CDH18: variants seen among roughly 807,000 people sequenced by gnomAD.
CDH18 encodes cadherin-18.
Under a neutral mutation model 67.9 loss-of-function variants are expected in CDH18, and 31 were observed. The ratio of observed to expected loss-of-function variants is 0.46; its 90% CI spans 0.34 to 0.62. The LOEUF (loss-of-function observed/expected upper bound fraction) is 0.62, where lower values mean the gene tolerates loss of function less well. Among genes scored for constraint, CDH18 ranks in the 20% least tolerant of loss-of-function variants. The pLI is 0.01. For synonymous variants in CDH18, 362 were observed against 347.2 expected (o/e 1.04, Z -0.48); for missense variants, 890 against 975.5 (o/e 0.91, Z 1.17).
intron 2 of CDH18, among the ~76,000 whole-genome samples, chr5:19,961,821 A>G (rs1796932525): frequency 6.6e-6 from 1 of 151,934 alleles, no homozygotes; most frequent in Admixed American, 6.6e-5. Flanking sequence ...AGTTTTTATT[A>G]TGGTCATGTA....
At chr5:19,497,291 A>T (rs1469082499) in intron 11 of CDH18, among the ~76,000 whole-genome samples, 1 of 152,220 alleles carries the variant, frequency 6.6e-6, no homozygotes, top group African/African-American at 2.4e-5. Flanking sequence ...AATCAAATGG[A>T]TATCAACCAA....
At chr5:19,976,372 C>G (rs1798502170) in intron 2 of CDH18, among the ~76,000 whole-genome samples, 1 of 152,046 alleles carries the variant, frequency 6.6e-6, no homozygotes, top group African/African-American at 2.4e-5. Flanking sequence ...TTTATCTACA[C>G]ACACACACAA....
At chr5:19,514,060 T>C (rs1176297342) in intron 10 of CDH18, among the ~76,000 whole-genome samples, 1 of 152,138 alleles carries the variant, frequency 6.6e-6, no homozygotes, top group Non-Finnish European at 1.5e-5. Context: ...AGTGTTTTCA[T>C]TGTCCAATTC....
chr5:20,562,075 A>T (rs1004216705), intron 1 of CDH18, among the ~76,000 whole-genome samples: 63 of 151,948 alleles, frequency 4.1e-4, no homozygotes, highest in African/African-American at 1.5e-3. Context: ...GAGAAGTTTA[A>T]TTATAAAATT....
intron 5 of CDH18, among the ~76,000 whole-genome samples, chr5:19,689,987 T>G (rs987288208): frequency 1.3e-5 from 2 of 151,386 alleles, no homozygotes; most frequent in Non-Finnish European, 3.0e-5. Context: ...AAACAGGCTA[T>G]AAGTCAAACA....
At chr5:19,792,273 A>G (rs1463110632) in intron 3 of CDH18, among the ~76,000 whole-genome samples, 1 of 152,166 alleles carries the variant, frequency 6.6e-6, no homozygotes, top group African/African-American at 2.4e-5. Flanking sequence ...TCTCTCTTCT[A>G]GAGCTGGGGC....
chr5:19,945,024 A>T (rs1795162308), intron 2 of CDH18, among the ~76,000 whole-genome samples: 1 of 152,154 alleles, frequency 6.6e-6, no homozygotes, highest in Non-Finnish European at 1.5e-5. Context: ...AATAGACACT[A>T]AGTGTGGATC....
Position 19,662,114 on chromosome 5 carries a change from AT to A in CDH18, c.644-49514del, listed in dbSNP as rs377723169. Among the ~76,000 whole-genome samples the A allele has an allele frequency of 6.8e-3, 976 of 144,318 alleles. 9 individuals carry two copies. Among genetic ancestry groups the A allele is most frequent in the African/African-American group, 0.02 (797 of 39,754 alleles). 94.7% of individuals were successfully genotyped at this position (144,318 alleles called of 152,430 possible). A position where few individuals can be genotyped will look rare whatever the true frequency, so the allele number is the denominator to read the frequency against. ...ACCATGTGGCTTACCTTTTTCACTG[AT>A]TTTTTTTTTACATTTTTTAAAGATG... On this transcript the variant is annotated intron_variant, in intron 5 of 12. Transcript: ENST00000382275.
At chr5:20,032,563 T>C (rs180810158) in intron 2 of CDH18, among the ~76,000 whole-genome samples, 1 of 152,188 alleles carries the variant, frequency 6.6e-6, no homozygotes, top group Admixed American at 6.6e-5. Flanking sequence ...TTTTGCTGCC[T>C]TATTACTTTT....
chr5:20,244,508 A>G (rs1327575812), intron 2 of CDH18, among the ~76,000 whole-genome samples: 3 of 152,076 alleles, frequency 2.0e-5, no homozygotes, highest in African/African-American at 7.2e-5. Context: ...ACAACCAAAT[A>G]TATTTGAACA....
intron 1 of CDH18, among the ~76,000 whole-genome samples, chr5:20,402,436 T>G (rs1360874847): frequency 6.6e-6 from 1 of 152,184 alleles, no homozygotes; most frequent in Non-Finnish European, 1.5e-5. Flanking sequence ...TAAGAATCAT[T>G]TTTTGTTTGT....
At chr5:19,822,761 A>G (rs529180698) in intron 3 of CDH18, among the ~76,000 whole-genome samples, 149 of 152,228 alleles carry the variant, frequency 9.8e-4, no homozygotes, top group Non-Finnish European at 1.8e-3. Flanking sequence ...TTGGTAATGA[A>G]GTTTCGGGCA....
chr5:20,142,751 C>A (rs1226301345), intron 2 of CDH18, among the ~76,000 whole-genome samples: 8 of 152,076 alleles, frequency 5.3e-5, no homozygotes, highest in African/African-American at 1.7e-4. Context: ...TTCTGACAAA[C>A]CACCAGAAGT....
At chr5:19,943,372 AC>A (rs1234845569) in intron 2 of CDH18, among the ~76,000 whole-genome samples, 3 of 152,256 alleles carry the variant, frequency 2.0e-5, no homozygotes, top group African/African-American at 4.8e-5. Flanking sequence ...TTGGGAGGAA[AC>A]ATGAAGCTAA....
At chr5:19,881,722 T>A (rs1020764448) in intron 2 of CDH18, among the ~76,000 whole-genome samples, 3 of 151,930 alleles carry the variant, frequency 2.0e-5, no homozygotes, top group African/African-American at 4.8e-5. Flanking sequence ...GCCAGACTGG[T>A]CTCGTACTCT....
intron 2 of CDH18, among the ~76,000 whole-genome samples, chr5:20,134,127 A>G (rs1749497720): frequency 6.6e-6 from 1 of 151,944 alleles, no homozygotes; most frequent in Admixed American, 6.6e-5. Context: ...GTGTCACCAC[A>G]CTAGGCTAAT....
chr5:19,754,352 G>C (rs1771248876), intron 3 of CDH18, among the ~76,000 whole-genome samples: 1 of 152,142 alleles, frequency 6.6e-6, no homozygotes, highest in Non-Finnish European at 1.5e-5. Context: ...AAAGGAAGCA[G>C]GAGTAGCTAT....
intron 1 of CDH18, among the ~76,000 whole-genome samples, chr5:19,986,345 C>T (rs1799560082): frequency 6.6e-6 from 1 of 152,066 alleles, no homozygotes. Context: ...CTGCCACTCA[C>T]TGTCCTTCTA....
chr5:20,106,851 A>G (rs187883311), intron 2 of CDH18, among the ~76,000 whole-genome samples: 115 of 152,338 alleles, frequency 7.5e-4, no homozygotes, highest in South Asian at 2.1e-3. Context: ...ACAAAATACA[A>G]TAAAAGTTAG....
Sources: allele counts gnomAD v4.1 joint callset (sites outside exome capture counted in the v4.1 genomes callset), GRCh38; gene constraint gnomAD v4.1.1; transcripts MANE v1.5; gene names NCBI Gene and HGNC (gene_info 2026-07-23, HGNC 2026-07-21).